Variants in ENOX1 observed in about 807,000 individuals in gnomAD.
The protein encoded by ENOX1 is candidate growth-related and time keeping constitutive hydroquinone (NADH) oxidase.
ENOX1 carries 42 observed loss-of-function variants against 82.5 expected under a neutral mutation model. The observed-to-expected ratio is 0.51, with a 90% CI of 0.40 to 0.66. The LOEUF is 0.66. Ranked by LOEUF, ENOX1 falls within the 30% of genes least tolerant of loss-of-function variation. ENOX1 has a pLI of 0.00. For missense variants in ENOX1, 608 were observed against 811.6 expected, an observed-to-expected ratio of 0.75 and a Z score of 3.05; for synonymous variants, 271 against 282.2, an observed-to-expected ratio of 0.96 and a Z score of 0.40.
intron 2 of ENOX1, among the ~76,000 whole-genome samples, chr13:43,570,183 T>C (rs987914501): frequency 1.3e-5 from 2 of 152,206 alleles, no homozygotes; most frequent in African/African-American, 4.8e-5. Context: ...AGATGCCATT[T>C]GTTTCATTTG....
At chr13:43,302,221 G>A (rs574881694) in intron 11 of ENOX1, among the ~76,000 whole-genome samples, 10 of 152,126 alleles carry the variant, frequency 6.6e-5, no homozygotes, top group African/African-American at 1.9e-4. Context: ...ACCAATTTCC[G>A]ATAATAAAAA....
intron 2 of ENOX1, among the ~76,000 whole-genome samples, chr13:43,548,471 C>G (rs2079057998): frequency 6.6e-6 from 1 of 152,226 alleles, no homozygotes; most frequent in African/African-American, 2.4e-5. Context: ...CTGCTGCCCT[C>G]TGCATTGGCT....
chr13:43,303,953 G>A (rs2046724979), intron 11 of ENOX1, among the ~76,000 whole-genome samples: 1 of 152,182 alleles, frequency 6.6e-6, no homozygotes, highest in South Asian at 2.1e-4. Context: ...TTCCTAAACT[G>A]GGGTTGTGGT....
chr13:43,256,227 C>T (rs1005881596), intron 14 of ENOX1, among the ~76,000 whole-genome samples: 1 of 152,078 alleles, frequency 6.6e-6, no homozygotes, highest in South Asian at 2.1e-4. Context: ...GGAAATGCTC[C>T]AGGACACTGG....
At chr13:43,237,627 C>G (rs7320825) in intron 14 of ENOX1, among the ~76,000 whole-genome samples, 1 of 151,878 alleles carries the variant, frequency 6.6e-6, no homozygotes, top group South Asian at 2.1e-4. Context: ...GCCGAATGGA[C>G]GAAGAATTCA....
chr13:43,396,362 C>A (rs2053149955), intron 5 of ENOX1, among the ~76,000 whole-genome samples: 1 of 152,124 alleles, frequency 6.6e-6, no homozygotes, highest in African/African-American at 2.4e-5. Context: ...ACAACATCAT[C>A]TCCACCAAAA....
At chr13:43,656,606 C>A (rs942938749) in intron 2 of ENOX1, among the ~76,000 whole-genome samples, 1 of 152,088 alleles carries the variant, frequency 6.6e-6, no homozygotes, top group Non-Finnish European at 1.5e-5. Flanking sequence ...AAAGTATAAA[C>A]CTTTGAGAGG....
intron 2 of ENOX1, chr13:43,546,042 C>T (rs1400698412): frequency 3.9e-5 from 6 of 152,126 alleles, no homozygotes; most frequent in South Asian, 2.1e-4. Context: ...AAAGATAAAA[C>T]GTTCAGTGTT....
chr13:43,432,669 A>C (rs1286945834), intron 3 of ENOX1, among the ~76,000 whole-genome samples: 1 of 152,138 alleles, frequency 6.6e-6, no homozygotes, highest in Admixed American at 6.5e-5. Flanking sequence ...CATAAATAAA[A>C]ATAGAAAGAA....
intron 12 of ENOX1, among the ~76,000 whole-genome samples, chr13:43,288,694 T>C (rs918819684): frequency 3.3e-5 from 5 of 152,214 alleles, no homozygotes; most frequent in African/African-American, 1.2e-4. Context: ...CAGATCATTG[T>C]GTATGGGCTA....
At chr13:43,253,837 T>C (rs950092546) in intron 14 of ENOX1, among the ~76,000 whole-genome samples, 1 of 152,140 alleles carries the variant, frequency 6.6e-6, no homozygotes, top group African/African-American at 2.4e-5. Flanking sequence ...CCCGACTCTT[T>C]CCATAGATGC....
chr13:43,590,616 AAC>A (rs2081200489), intron 2 of ENOX1, among the ~76,000 whole-genome samples: 2 of 24,920 alleles, frequency 8.0e-5, no homozygotes, highest in Non-Finnish European at 2.5e-4. Context: ...CTACTAAAAA[AAC>A]AAAAAAAATT....
chr13:43,419,276 T>C (rs956696412), intron 3 of ENOX1, among the ~76,000 whole-genome samples: 13 of 152,046 alleles, frequency 8.6e-5, no homozygotes, highest in Admixed American at 6.5e-5. Flanking sequence ...CAACCCCAGA[T>C]AGGAGCTAAT....
At chr13:43,577,426 CCGGCCTCAATATTTTCAAACTAGATAG>C in intron 2 of ENOX1, among the ~76,000 whole-genome samples, 1 of 152,256 alleles carries the variant, frequency 6.6e-6, no homozygotes, top group East Asian at 1.9e-4. Context: ...GCCACCATGC[CCGGCCTCAATATTTTCAAACTAGATAG>C]CAGGACCAGT....
At chr13:43,248,793 A>G (rs2043284858) in intron 14 of ENOX1, among the ~76,000 whole-genome samples, 1 of 152,166 alleles carries the variant, frequency 6.6e-6, no homozygotes, top group Admixed American at 6.5e-5. Flanking sequence ...ATTAACATTC[A>G]GATATTTGCC....
intron 12 of ENOX1, among the ~76,000 whole-genome samples, chr13:43,291,655 C>T (rs1309192873): frequency 6.6e-6 from 1 of 152,114 alleles, no homozygotes; most frequent in African/African-American, 2.4e-5. Context: ...CTTCCCCCTG[C>T]CCCACCCCAG....
At chr13:43,226,299 T>C (rs1046706767) in intron 15 of ENOX1, among the ~76,000 whole-genome samples, 3 of 152,228 alleles carry the variant, frequency 2.0e-5, no homozygotes, top group Admixed American at 6.5e-5. Flanking sequence ...TTTAAATTGA[T>C]ATATAATATT....
chr13:43,304,843 C>A (rs2046774156), intron 11 of ENOX1, among the ~76,000 whole-genome samples: 1 of 152,098 alleles, frequency 6.6e-6, no homozygotes, highest in Non-Finnish European at 1.5e-5. Flanking sequence ...GTCCATAGAC[C>A]CATGCTGATC....
chr13:43,628,769 G>A (rs578245069), intron 2 of ENOX1, among the ~76,000 whole-genome samples: 3 of 152,154 alleles, frequency 2.0e-5, no homozygotes, highest in Non-Finnish European at 4.4e-5. Flanking sequence ...GCTCCCATAG[G>A]GGAAGGAAGA....
Sources: allele counts gnomAD v4.1 joint callset (sites outside exome capture counted in the v4.1 genomes callset), GRCh38; gene constraint gnomAD v4.1.1; transcripts MANE v1.5; gene names NCBI Gene and HGNC (gene_info 2026-07-23, HGNC 2026-07-21).